Variants in MAPKAPK5 observed in about 807,000 individuals in gnomAD.
The protein encoded by MAPKAPK5 is MAP kinase-activated protein kinase 5.
In MAPKAPK5, 30 loss-of-function variants were observed where a neutral mutation model predicts 65.1. The ratio of observed to expected loss-of-function variants is 0.46; its 90% confidence interval spans 0.34 to 0.63. The LOEUF is 0.63. Among genes scored for constraint, MAPKAPK5 ranks in the 20% least tolerant of loss-of-function variants. MAPKAPK5 has a pLI of 0.01. For missense variants in MAPKAPK5, 433 were observed against 581.4 expected, an observed-to-expected ratio of 0.74 and a Z score of 2.63; for synonymous variants, 179 against 204.6, an observed-to-expected ratio of 0.87 and a Z score of 1.07.
chr12:111,852,447 T>C (rs186030755), intron 1 of MAPKAPK5, among the ~76,000 whole-genome samples: 1 of 152,224 alleles, frequency 6.6e-6, no homozygotes, highest in African/African-American at 2.4e-5. Context: ...TTTTCTCTTA[T>C]GATTTTCTTA....
intron 1 of MAPKAPK5, among the ~76,000 whole-genome samples, chr12:111,852,897 C>T (rs1054017492): frequency 1.3e-5 from 2 of 152,152 alleles, no homozygotes; most frequent in African/African-American, 2.4e-5. Flanking sequence ...CCTCAGCCTC[C>T]TGAGTAGCTG....
At chr12:111,855,718 T>C (rs1221075986) in intron 1 of MAPKAPK5, among the ~76,000 whole-genome samples, 1 of 151,846 alleles carries the variant, frequency 6.6e-6, no homozygotes, top group South Asian at 2.1e-4. Flanking sequence ...TCCCAGCTAC[T>C]TGGGAAGCTG....
chr12:111,860,529 T>C (rs990221522), intron 1 of MAPKAPK5, among the ~76,000 whole-genome samples: 2 of 152,202 alleles, frequency 1.3e-5, no homozygotes, highest in African/African-American at 4.8e-5. Context: ...CCATGAATTT[T>C]CTTCCTCACC....
rs910392055 is a variant in MAPKAPK5, at chr12:111,842,702, C to T, written c.-32C>T. 9 of 1,366,854 alleles carry T rather than the reference C, an allele frequency of 6.6e-6. No individual in the cohort carries two copies. The highest frequency in any genetic ancestry group is 6.3e-5 in the Admixed American group (2 of 31,908). The allele number at this position is 1,366,854 out of a possible 1,614,324, so 84.7% of individuals were successfully genotyped here. ...GGGGACAGGGCTGCTGAGCAGCCTCCGCCTCTCCCGGCTGTGGGGGCCCCA... is the reference window on the plus strand; with the variant it reads ...GGGGACAGGGCTGCTGAGCAGCCTCTGCCTCTCCCGGCTGTGGGGGCCCCA... On this transcript the variant is annotated 5_prime_UTR_variant, in exon 1 of 14. Transcript: ENST00000550735.
At chr12:111,871,277 A>G in intron 7 of MAPKAPK5, 97 bp downstream of exon 7, 1 of 920,620 alleles carries the variant, frequency 1.1e-6, no homozygotes, top group Non-Finnish European at 1.7e-6. Context: ...TATATTACAG[A>G]TGGGAGGGGG....
intron 12 of MAPKAPK5, 27 bp from the exon 13 acceptor site, chr12:111,890,013 C>G (rs771907091): frequency 6.8e-7 from 1 of 1,464,572 alleles, no homozygotes; most frequent in South Asian, 1.2e-5. Flanking sequence ...AGGAAAAATG[C>G]AAATTCCTCT....
At chr12:111,847,395 C>T (rs1391821426) in intron 1 of MAPKAPK5, among the ~76,000 whole-genome samples, 1 of 151,342 alleles carries the variant, frequency 6.6e-6, no homozygotes, top group Non-Finnish European at 1.5e-5. Flanking sequence ...TAAGTGGAGG[C>T]TCTATCTTCT....
intron 4 of MAPKAPK5, among the ~76,000 whole-genome samples, chr12:111,868,471 A>G (rs1471456360): frequency 2.0e-5 from 3 of 152,154 alleles, no homozygotes; most frequent in South Asian, 2.1e-4. Context: ...AACAAATGGG[A>G]AAAAAACGCT....
chr12:111,861,689 C>T, intron 1 of MAPKAPK5, among the ~76,000 whole-genome samples: 1 of 152,074 alleles, frequency 6.6e-6, no homozygotes, highest in African/African-American at 2.4e-5. Context: ...TGTTGAGATC[C>T]AGCAGTTTAG....
In MAPKAPK5 at chr12:111,899,987, C is replaced by T. The variant is rs1252312868; in HGVS notation, c.*6926C>T. The stretch of plus-strand genomic sequence containing the variant: ...TGGAGATGTTTGTCGTGGTCAACAA[C>T]CAGCGGTTCCAGATGTGGGGCAGTA... On this transcript the variant is annotated 3_prime_UTR_variant, in exon 14 of 14. Coordinates refer to ENST00000550735, the MANE Select transcript of MAPKAPK5 (RefSeq NM_003668.4). The T allele has an allele frequency of 2.2e-6, 1 of 456,058 alleles. No homozygotes were observed. Among genetic ancestry groups the T allele is most frequent in the African/African-American group, 2.0e-5 (1 of 50,178 alleles). 28.3% of individuals were successfully genotyped at this position (456,058 alleles called of 1,614,324 possible). A position where few individuals can be genotyped will look rare whatever the true frequency, so the allele number is the denominator to read the frequency against.
intron 9 of MAPKAPK5, 139 bp from the exon 10 acceptor site, chr12:111,885,777 C>T (rs1458625017): frequency 4.9e-6 from 5 of 1,016,834 alleles, no homozygotes; most frequent in Non-Finnish European, 7.1e-6. Flanking sequence ...ACTAGAATCC[C>T]ATCTGTGCTC....
In MAPKAPK5 at chr12:111,870,332, A is replaced by C; in HGVS notation, c.455A>C (p.Glu152Ala). ...LNIAHRDLKPENLLFKDNSLD... is the reference protein window; with the variant it reads ...LNIAHRDLKPANLLFKDNSLD... ...ATTGCGCACAGAGACCTCAAGCCTG[A>C]AAATCTGCTTTTTAAGGATAACTCT... Residue 152 changes from glutamate (E) to alanine (A), a missense_variant, in exon 6 of 14, where the codon GAA (glutamate) becomes GCA (alanine). Glu to Ala is a moderately radical substitution (Grantham distance 107). This residue lies in a region of MAPKAPK5 where 99 missense variants were observed against 185.8 expected (regional missense o/e 0.53). Transcript: ENST00000550735. 2 of 1,610,984 alleles carry C rather than the reference A, an allele frequency of 1.2e-6. No homozygotes were observed. Among genetic ancestry groups the C allele is most frequent in the Non-Finnish European group, 1.7e-6 (2 of 1,177,492 alleles).
intron 7 of MAPKAPK5, among the ~76,000 whole-genome samples, chr12:111,874,482 T>C (rs2069890243): frequency 2.0e-5 from 3 of 150,256 alleles, no homozygotes; most frequent in Admixed American, 6.6e-5. Context: ...TTTTTTTTTT[T>C]TTTTTGAGAT....
At chr12:111,872,571 T>C (rs912267783) in intron 7 of MAPKAPK5, among the ~76,000 whole-genome samples, 32 of 152,208 alleles carry the variant, frequency 2.1e-4, no homozygotes, top group Non-Finnish European at 3.5e-4. Context: ...ACTTAGTAGA[T>C]AAAAACAACA....
At chr12:111,872,049 T>C (rs1430580972) in intron 7 of MAPKAPK5, among the ~76,000 whole-genome samples, 5 of 152,058 alleles carry the variant, frequency 3.3e-5, no homozygotes, top group African/African-American at 1.2e-4. Flanking sequence ...TATTTCATTA[T>C]ATACCTAAGC....
chr12:111,898,170 C>T lies in MAPKAPK5; in HGVS notation c.*5109C>T, dbSNP rs936927098. 49 of 151,618 alleles carry T rather than the reference C, an allele frequency of 3.2e-4. No individual in the cohort carries two copies. The highest frequency in any genetic ancestry group is 1.2e-3 in the African/African-American group (48 of 41,352). The allele number at this position is 151,618 out of a possible 1,614,324, so 9.4% of individuals were successfully genotyped here. ...CTGGTTAGTCAGCTTTTATTTTGAC[C>T]CCACAGTTTTTTTTTTGAGACGGAT... On this transcript the variant is annotated 3_prime_UTR_variant, in exon 14 of 14. Coordinates refer to ENST00000550735, the MANE Select transcript of MAPKAPK5 (RefSeq NM_003668.4).
chr12:111,862,372 CTTGGCTG>C lies in MAPKAPK5; in HGVS notation c.37-2876_37-2870del. On this transcript the variant is annotated intron_variant, in intron 1 of 13. Transcript: ENST00000550735. ...TCAGAGTCTCTACAAGTTGAACTTT[CTTGGCTG>C]TCCATCAGGTAGAGTACTAACTTAG... 1.3e-5 allele frequency among the ~76,000 whole-genome samples: 2 copies of C among 152,274 alleles called. 1 individual carries two copies. Among genetic ancestry groups the C allele is most frequent in the Middle Eastern group, 6.8e-3 (2 of 294 alleles).
chr12:111,842,682 C>T lies in MAPKAPK5; in HGVS notation c.-52C>T, dbSNP rs954973147. 8 of 1,321,656 alleles carry T rather than the reference C, an allele frequency of 6.1e-6. No individual in the cohort carries two copies. The highest frequency in any genetic ancestry group is 7.8e-6 in the Non-Finnish European group (8 of 1,023,746). 81.9% of individuals were successfully genotyped at this position (1,321,656 alleles called of 1,614,324 possible). A position where few individuals can be genotyped will look rare whatever the true frequency, so the allele number is the denominator to read the frequency against. On this transcript the variant is annotated 5_prime_UTR_variant, in exon 1 of 14. Coordinates refer to ENST00000550735, the MANE Select transcript of MAPKAPK5 (RefSeq NM_003668.4). Reference sequence around the variant, plus strand: ...CTTTGCTCCCTCGGCCGCGCGGGGACAGGGCTGCTGAGCAGCCTCCGCCTC... The same window carrying T: ...CTTTGCTCCCTCGGCCGCGCGGGGATAGGGCTGCTGAGCAGCCTCCGCCTC...
intron 1 of MAPKAPK5, among the ~76,000 whole-genome samples, chr12:111,851,469 G>A (rs1439533097): frequency 2.0e-5 from 3 of 152,120 alleles, no homozygotes; most frequent in Non-Finnish European, 4.4e-5. Flanking sequence ...GGAATTACAG[G>A]CATGCTCCAC....
Sources: allele counts gnomAD v4.1 joint callset (sites outside exome capture counted in the v4.1 genomes callset), GRCh38; gene constraint gnomAD v4.1.1; regional missense constraint gnomAD v4.1.1; transcripts MANE v1.5; gene names NCBI Gene and HGNC (gene_info 2026-07-23, HGNC 2026-07-21).